Variants in KIAA1328 observed in about 807,000 individuals in gnomAD.
The protein encoded by KIAA1328 is KIAA1328.
In KIAA1328, 52 loss-of-function variants were observed where a neutral mutation model predicts 68.1. That is an observed-to-expected ratio of 0.76 (90% CI 0.61 to 0.96). The LOEUF (loss-of-function observed/expected upper bound fraction) is 0.96, where lower values mean the gene tolerates loss of function less well. Ranked by LOEUF, KIAA1328 falls within the 40% of genes least tolerant of loss-of-function variation. KIAA1328 has a pLI of 0.00. For missense variants in KIAA1328, 641 were observed against 677.6 expected, an observed-to-expected ratio of 0.95 and a Z score of 0.60; for synonymous variants, 232 against 239.4, an observed-to-expected ratio of 0.97 and a Z score of 0.28.
intron 5 of KIAA1328, among the ~76,000 whole-genome samples, chr18:36,893,997 C>G (rs571929168): frequency 6.6e-6 from 1 of 152,248 alleles, no homozygotes; most frequent in South Asian, 2.1e-4. Flanking sequence ...AGAGCACTTT[C>G]ACTTACGCAT....
At chr18:36,966,998 C>G (rs1227665626) in intron 6 of KIAA1328, among the ~76,000 whole-genome samples, 2 of 152,130 alleles carry the variant, frequency 1.3e-5, no homozygotes, top group Non-Finnish European at 2.9e-5. Flanking sequence ...GAGGGTTACT[C>G]TTTTCAGTTT....
chr18:36,890,672 A>G (rs1403590982), intron 5 of KIAA1328, among the ~76,000 whole-genome samples: 1 of 152,210 alleles, frequency 6.6e-6, no homozygotes, highest in African/African-American at 2.4e-5. Flanking sequence ...CTCCATCTCA[A>G]AAATAAAGTA....
At chr18:36,872,942 A>G (rs2047997172) in intron 4 of KIAA1328, among the ~76,000 whole-genome samples, 1 of 152,168 alleles carries the variant, frequency 6.6e-6, no homozygotes, top group Non-Finnish European at 1.5e-5. Flanking sequence ...CCCAACTTTA[A>G]TAACTTTAAA....
intron 9 of KIAA1328, among the ~76,000 whole-genome samples, chr18:37,200,783 A>G (rs1056245463): frequency 6.7e-6 from 1 of 148,928 alleles, no homozygotes; most frequent in African/African-American, 2.5e-5. Context: ...TGCAGTCCGC[A>G]GTCCGGCCTG....
At chr18:37,109,752 T>C (rs1485443563) in intron 7 of KIAA1328, among the ~76,000 whole-genome samples, 2 of 152,192 alleles carry the variant, frequency 1.3e-5, no homozygotes, top group Admixed American at 1.3e-4. Flanking sequence ...TCAGCCTTTG[T>C]TCTAACATAC....
rs2060577080 is a variant in KIAA1328, at chr18:37,222,171, A to G, written c.1678A>G (p.Arg560Gly). 4.4e-6 allele frequency: 7 copies of G among 1,602,974 alleles called. No individual in the cohort carries two copies. Among genetic ancestry groups the G allele is most frequent in the Middle Eastern group, 1.6e-4 (1 of 6,082 alleles). Residue 560 changes from arginine to glycine, a missense_variant, in exon 10 of 10, where the codon AGA becomes GGA. Arg to Gly is a moderately radical substitution (Grantham distance 125). Transcript: ENST00000280020. ...AACCCGGAAGAAGATGGGGATGCAC[A>G]GAACCCCTGAAGAGTTGGAGGAGAA... Reference protein sequence around the residue: ...KSTRKKMGMHRTPEELEENQI... With the variant: ...KSTRKKMGMHGTPEELEENQI...
intron 1 of KIAA1328, chr18:36,832,833 A>C (rs1472906225): frequency 2.0e-5 from 3 of 147,732 alleles, no homozygotes; most frequent in Non-Finnish European, 4.4e-5. Context: ...ATATATGTTC[A>C]ATGATTTTTT....
chr18:37,110,970 T>G (rs934908888), intron 7 of KIAA1328, among the ~76,000 whole-genome samples: 1 of 152,224 alleles, frequency 6.6e-6, no homozygotes, highest in Admixed American at 6.5e-5. Context: ...CTTTTGCAAT[T>G]TGGCATTGTG....
chr18:36,934,257 T>C (rs560582937), intron 5 of KIAA1328, among the ~76,000 whole-genome samples: 1 of 152,310 alleles, frequency 6.6e-6, no homozygotes, highest in East Asian at 1.9e-4. Flanking sequence ...TTTTCCTCTC[T>C]GGAAATTGGC....
downstream of KIAA1328, among the ~76,000 whole-genome samples, chr18:37,227,517 C>A (rs2060646344): frequency 6.6e-6 from 1 of 152,176 alleles, no homozygotes; most frequent in Non-Finnish European, 1.5e-5. Context: ...TTCCGAAAAT[C>A]CAAAGGCTAT....
chr18:37,105,875 C>G (rs1469157814), intron 7 of KIAA1328, among the ~76,000 whole-genome samples: 1 of 134,084 alleles, frequency 7.5e-6, no homozygotes, highest in Non-Finnish European at 1.5e-5. Context: ...AGAGATTGCT[C>G]CACTGCGCTC....
chr18:37,193,967 C>T (rs936135025), intron 9 of KIAA1328, among the ~76,000 whole-genome samples: 6 of 152,082 alleles, frequency 3.9e-5, no homozygotes, highest in Non-Finnish European at 5.9e-5. Flanking sequence ...TTTAAGTTGC[C>T]GCACAGTGTT....
intron 7 of KIAA1328, among the ~76,000 whole-genome samples, chr18:37,126,587 G>A (rs1335727673): frequency 6.6e-6 from 1 of 151,988 alleles, no homozygotes; most frequent in African/African-American, 2.4e-5. Flanking sequence ...GAAGGAAGAA[G>A]GAATACTTTC....
downstream of KIAA1328, chr18:37,231,990 T>G (rs1201200366): frequency 5.9e-5 from 9 of 152,190 alleles, no homozygotes; most frequent in Non-Finnish European, 1.3e-4. Flanking sequence ...TGCAGGTGAT[T>G]TAAGCTTGTT....
At chr18:37,061,157 A>G (rs190447809) in intron 6 of KIAA1328, among the ~76,000 whole-genome samples, 148 of 152,296 alleles carry the variant, frequency 9.7e-4, no homozygotes, top group Admixed American at 2.7e-3. Context: ...GATAAAAAGG[A>G]TGCACTATTT....
Position 37,039,309 on chromosome 18 carries a change from T to C in KIAA1328, c.577-27581T>C, listed in dbSNP as rs902696591. Among the ~76,000 whole-genome samples the C allele has an allele frequency of 2.6e-5, 4 of 152,172 alleles. No homozygotes were observed. In the East Asian group the frequency reaches 7.7e-4, roughly 29 times the overall value. Reference sequence around the variant, plus strand: ...TTAATTCTTTAAATATTTGATAGAATTAACTAGTAAAGACATCTAGGGCTG... The same window carrying C: ...TTAATTCTTTAAATATTTGATAGAACTAACTAGTAAAGACATCTAGGGCTG... On this transcript the variant is annotated intron_variant, in intron 6 of 9. Transcript: ENST00000280020.
chr18:37,190,229 A>G (rs1194528954), intron 9 of KIAA1328, among the ~76,000 whole-genome samples: 1 of 152,158 alleles, frequency 6.6e-6, no homozygotes, highest in African/African-American at 2.4e-5. Flanking sequence ...TGTTGGAATG[A>G]GAATGTACAT....
chr18:37,088,080 T>C (rs1391891037), intron 7 of KIAA1328, among the ~76,000 whole-genome samples: 1 of 152,188 alleles, frequency 6.6e-6, no homozygotes, highest in East Asian at 1.9e-4. Context: ...CTCTGAGCCT[T>C]TGAGGAGTTC....
chr18:37,110,468 A>G (rs1044822883), intron 7 of KIAA1328, among the ~76,000 whole-genome samples: 28 of 152,228 alleles, frequency 1.8e-4, no homozygotes, highest in African/African-American at 6.3e-4. Flanking sequence ...TCTTGTTTTC[A>G]GAAATTACAG....
Sources: allele counts gnomAD v4.1 joint callset (sites outside exome capture counted in the v4.1 genomes callset), GRCh38; gene constraint gnomAD v4.1.1; transcripts MANE v1.5; gene names NCBI Gene and HGNC (gene_info 2026-07-23, HGNC 2026-07-21).